Variants in KCNE4 observed in about 807,000 individuals in gnomAD.
KCNE4 encodes potassium voltage-gated channel subfamily E regulatory subunit 4.
In KCNE4, 6 loss-of-function variants were observed where a neutral mutation model predicts 9.2. That is an observed-to-expected ratio of 0.65 (90% CI 0.36 to 1.29). The LOEUF is 1.29. KCNE4 is among the 50% of genes most tolerant of loss of function. The pLI is 0.03. For missense variants in KCNE4, 222 were observed against 228.8 expected, an observed-to-expected ratio of 0.97 and a Z score of 0.19; for synonymous variants, 115 against 103.2, an observed-to-expected ratio of 1.11 and a Z score of -0.70.
At chr2:223,052,778 G>T (rs763859149) in intron 1 of KCNE4, 30 bp from the exon 2 acceptor site, 2 of 1,600,008 alleles carry the variant, frequency 1.2e-6, no homozygotes, top group Non-Finnish European at 1.7e-6. Flanking sequence ...GGACCTGGGG[G>T]AGAGTTCTAA....
At position 223,053,108 on chromosome 2, in the gene KCNE4, T is replaced by G; in HGVS notation, c.278T>G (p.Leu93Arg). ...AAGCCGCTGCCTGTGGTGTCGGGCC[T>G]GAGGTCGGTGCAGGTGCCCCTGATG... ...AMKPLPVVSG[L>R]RSVQVPLMLN... The change falls in exon 2 of 2, where the codon CTG becomes CGG. Residue 93 changes from leucine (L) to arginine (R), a missense_variant. Transcript: ENST00000281830. This position sits in a 1 kb window ranked among gnomAD's most constrained non-coding sequence, Gnocchi z 4.1. The G allele has an allele frequency of 6.2e-7, 1 of 1,613,782 alleles. No individual in the cohort carries two copies. The highest frequency in any genetic ancestry group is 8.5e-7 in the Non-Finnish European group (1 of 1,179,910).
At chr2:223,052,499 C>T (rs1156405987) in intron 1 of KCNE4, among the ~76,000 whole-genome samples, 1 of 131,450 alleles carries the variant, frequency 7.6e-6, no homozygotes, top group Non-Finnish European at 1.6e-5. Flanking sequence ...TTACTGTATG[C>T]TCCTGTCTTA....
chr2:223,054,838 T>C lies in KCNE4; in HGVS notation c.*1495T>C, dbSNP rs964576054. On this transcript the variant is annotated 3_prime_UTR_variant, in exon 2 of 2. Transcript: ENST00000281830. The stretch of plus-strand genomic sequence containing the variant: ...AATTTAAATCTATTTAAAAAAACTT[T>C]TAAAAAAATTATTTATTTATTATTA... 3 of 166,600 alleles carry C rather than the reference T, an allele frequency of 1.8e-5. No individual in the cohort carries two copies. The highest frequency in any genetic ancestry group is 4.4e-5 in the Non-Finnish European group (3 of 68,110). The allele number at this position is 166,600 out of a possible 1,614,324, so 10.3% of individuals were successfully genotyped here.
chr2:223,052,373 T>G (rs371528541), intron 1 of KCNE4, 99 bp downstream of exon 1: 8 of 916,764 alleles, frequency 8.7e-6, no homozygotes, highest in East Asian at 6.6e-5. Flanking sequence ...TTCTTCCTGC[T>G]TTTCTTTGTT....
chr2:223,052,883 G>T lies in KCNE4; in HGVS notation c.53G>T (p.Ser18Ile), dbSNP rs1052753127. The T allele has an allele frequency of 4.3e-6, 7 of 1,613,842 alleles. No individual in the cohort carries two copies. In the Admixed American group the frequency reaches 6.7e-5, roughly 15 times the overall value. The change falls in exon 2 of 2, where the codon AGC becomes ATC. Residue 18 changes from serine to isoleucine, a missense_variant. By Grantham distance (142) the Ser-to-Ile change is moderately radical (BLOSUM62 -2). Transcript: ENST00000281830. ...ACGCACCCCGGCACCGCCGCCTCCAGCAGCCCCCTGGAGTCCCGTGCGGCC... is the reference window on the plus strand; with the variant it reads ...ACGCACCCCGGCACCGCCGCCTCCATCAGCCCCCTGGAGTCCCGTGCGGCC... The part of the protein sequence containing the change: ...NSTHPGTAAS[S>I]SPLESRAAGG...
intron 1 of KCNE4, 110 bp from the exon 2 acceptor site, chr2:223,052,698 T>C: frequency 8.1e-7 from 1 of 1,235,880 alleles, no homozygotes; most frequent in Non-Finnish European, 1.1e-6. Context: ...GCTATTTCTT[T>C]CATGCACTTT....
rs7561445 is a variant in KCNE4 at position 223,054,755 on chromosome 2, G to A, written c.*1412G>A. 9.6e-5 allele frequency: 16 copies of A among 166,824 alleles called. No individual in the cohort carries two copies. Among genetic ancestry groups the A allele is most frequent in the African/African-American group, 3.9e-4 (16 of 41,516 alleles). The allele number at this position is 166,824 out of a possible 1,614,324, so 10.3% of individuals were successfully genotyped here. A position where few individuals can be genotyped will look rare whatever the true frequency, so the allele number is the denominator to read the frequency against. ...TTCCAATGTCTCCAAGTATTCCTGT[G>A]GTCAACAGTTTCGCAGATCCGTTAG... On this transcript the variant is annotated 3_prime_UTR_variant, in exon 2 of 2. Transcript: ENST00000281830.
chr2:223,053,556 A>C lies in KCNE4; in HGVS notation c.*213A>C. 3.3e-6 allele frequency: 2 copies of C among 610,424 alleles called. No individual in the cohort carries two copies. The highest frequency in any genetic ancestry group is 4.0e-5 in the South Asian group (2 of 50,532). The allele number at this position is 610,424 out of a possible 1,614,324, so 37.8% of individuals were successfully genotyped here. ...GAGGTGCCTGTGGTTTGCACCCACC[A>C]CTGAAAAAGCCGCGGAGATGCGCAG... On this transcript the variant is annotated 3_prime_UTR_variant, in exon 2 of 2. Coordinates refer to ENST00000281830, the MANE Select transcript of KCNE4 (RefSeq NM_080671.4). The surrounding 1 kb of genome is among the most constrained non-coding windows in gnomAD (Gnocchi z 4.1).
At position 223,053,582 on chromosome 2, in the gene KCNE4, C is replaced by T. The variant is rs1006932394; in HGVS notation, c.*239C>T. The T allele has an allele frequency of 1.8e-6, 1 of 566,596 alleles. No homozygotes were observed. The allele number at this position is 566,596 out of a possible 1,614,324, so 35.1% of individuals were successfully genotyped here. A position where few individuals can be genotyped will look rare whatever the true frequency, so the allele number is the denominator to read the frequency against. On this transcript the variant is annotated 3_prime_UTR_variant, in exon 2 of 2. Coordinates refer to ENST00000281830, the MANE Select transcript of KCNE4 (RefSeq NM_080671.4). This position sits in a 1 kb window ranked among gnomAD's most constrained non-coding sequence, Gnocchi z 4.1. ...CTGAAAAAGCCGCGGAGATGCGCAGCGCGTACACTGACTTTGGGGCCTGGG... is the reference window on the plus strand; with the variant it reads ...CTGAAAAAGCCGCGGAGATGCGCAGTGCGTACACTGACTTTGGGGCCTGGG...
chr2:223,053,470 CTGA>C lies in KCNE4; in HGVS notation c.*129_*131del. 2.9e-6 allele frequency: 3 copies of C among 1,021,772 alleles called. No homozygotes were observed. Among genetic ancestry groups the C allele is most frequent in the Non-Finnish European group, 4.5e-6 (3 of 669,970 alleles). The allele number at this position is 1,021,772 out of a possible 1,614,324, so 63.3% of individuals were successfully genotyped here. The stretch of plus-strand genomic sequence containing the variant: ...CTTTGAAGAGACCCTTGGTAAACCC[CTGA>C]TTCGGGGTGGGGTGGGGGACTAGGC... On this transcript the variant is annotated 3_prime_UTR_variant, in exon 2 of 2. Transcript: ENST00000281830. The surrounding 1 kb of genome is among the most constrained non-coding windows in gnomAD (Gnocchi z 4.1).
At position 223,053,594 on chromosome 2, in the gene KCNE4, C is replaced by G. The variant is rs1698727637; in HGVS notation, c.*251C>G. The G allele has an allele frequency of 5.5e-6, 3 of 543,024 alleles. No individual in the cohort carries two copies. In the Admixed American group the frequency reaches 9.4e-5, roughly 17 times the overall value. The allele number at this position is 543,024 out of a possible 1,614,324, so 33.6% of individuals were successfully genotyped here. A position where few individuals can be genotyped will look rare whatever the true frequency, so the allele number is the denominator to read the frequency against. ...CGGAGATGCGCAGCGCGTACACTGA[C>G]TTTGGGGCCTGGGTGTTGGGGTTCT... is the stretch of plus-strand genomic sequence containing the variant. On this transcript the variant is annotated 3_prime_UTR_variant, in exon 2 of 2. Coordinates refer to ENST00000281830, the MANE Select transcript of KCNE4 (RefSeq NM_080671.4). This position sits in a 1 kb window ranked among gnomAD's most constrained non-coding sequence, Gnocchi z 4.1.
At position 223,053,396 on chromosome 2, in the gene KCNE4, G is replaced by T. The variant is rs1204568278; in HGVS notation, c.*53G>T. On this transcript the variant is annotated 3_prime_UTR_variant, in exon 2 of 2. Coordinates refer to ENST00000281830, the MANE Select transcript of KCNE4 (RefSeq NM_080671.4). This position sits in a 1 kb window ranked among gnomAD's most constrained non-coding sequence, Gnocchi z 4.1. ...CATCAGCCAGCAACCTTAGAGAGAG[G>T]AAAGACAGTTTTCAAGTGTCTGGTT... 3 of 1,533,572 alleles carry T rather than the reference G, an allele frequency of 2.0e-6. No homozygotes were observed. The highest frequency in any genetic ancestry group is 2.7e-6 in the Non-Finnish European group (3 of 1,119,016). 95.0% of individuals were successfully genotyped at this position (1,533,572 alleles called of 1,614,324 possible).
Position 223,053,242 on chromosome 2 carries a change from A to G in KCNE4, c.412A>G (p.Ile138Val). The change falls in exon 2 of 2, where the codon ATT (isoleucine) becomes GTT (valine). Residue 138 changes from isoleucine (I) to valine (V), a missense_variant. Coordinates refer to ENST00000281830, the MANE Select transcript of KCNE4 (RefSeq NM_080671.4). This position sits in a 1 kb window ranked among gnomAD's most constrained non-coding sequence, Gnocchi z 4.1. ...CTCCTCCCCGGACGTGCACCTCACCATTCAGGAGGAGGGGGCAGACGATGA... is the reference window on the plus strand; with the variant it reads ...CTCCTCCCCGGACGTGCACCTCACCGTTCAGGAGGAGGGGGCAGACGATGA... Reference protein sequence around the residue: ...ESSSPDVHLTIQEEGADDELE... With the variant: ...ESSSPDVHLTVQEEGADDELE... 5 of 1,613,884 alleles carry G rather than the reference A, an allele frequency of 3.1e-6. No individual in the cohort carries two copies. Among genetic ancestry groups the G allele is most frequent in the Non-Finnish European group, 3.4e-6 (4 of 1,179,978 alleles).
chr2:223,052,928 G>C lies in KCNE4; in HGVS notation c.98G>C (p.Gly33Ala), dbSNP rs1368284661. ...GCGGCCGGCGGCGGCAGCGGCAATGGCAACGAGTACTTCTACATTCTGGTT... is the reference window on the plus strand; with the variant it reads ...GCGGCCGGCGGCGGCAGCGGCAATGCCAACGAGTACTTCTACATTCTGGTT... ...SRAAGGGSGNGNEYFYILVVM... is the reference protein window; with the variant it reads ...SRAAGGGSGNANEYFYILVVM... Residue 33 changes from glycine (G) to alanine (A), a missense_variant, in exon 2 of 2, where the codon GGC (glycine) becomes GCC (alanine). Gly to Ala is a moderately conservative substitution (Grantham distance 60, BLOSUM62 0). Transcript: ENST00000281830. 6.2e-7 allele frequency: 1 copy of C among 1,614,172 alleles called. No individual in the cohort carries two copies. The highest frequency in any genetic ancestry group is 8.5e-7 in the Non-Finnish European group (1 of 1,180,006).
Position 223,053,436 on chromosome 2 carries a change from C to A in KCNE4, c.*93C>A. The A allele has an allele frequency of 3.1e-6, 4 of 1,289,188 alleles. No homozygotes were observed. Among genetic ancestry groups the A allele is most frequent in the Non-Finnish European group, 4.4e-6 (4 of 908,426 alleles). The allele number at this position is 1,289,188 out of a possible 1,614,324, so 79.9% of individuals were successfully genotyped here. On this transcript the variant is annotated 3_prime_UTR_variant, in exon 2 of 2. Transcript: ENST00000281830. This position sits in a 1 kb window ranked among gnomAD's most constrained non-coding sequence, Gnocchi z 4.1. Reference sequence around the variant, plus strand: ...AGTGTCTGGTTTCACTTTCACAGTGCGGCTGCCACTTTGAAGAGACCCTTG... The same window carrying A: ...AGTGTCTGGTTTCACTTTCACAGTGAGGCTGCCACTTTGAAGAGACCCTTG...
rs1216361322 is a variant in KCNE4 at position 223,053,689 on chromosome 2, C to G, written c.*346C>G. 6 of 357,770 alleles carry G rather than the reference C, an allele frequency of 1.7e-5. No individual in the cohort carries two copies. The East Asian group carries it at 1.9e-4, about 11-fold the overall frequency. 22.2% of individuals were successfully genotyped at this position (357,770 alleles called of 1,614,324 possible). ...ATGCCCTGGGTAGCTCCTGCAGGGTCTGCCTGTTCCCAGGGCTGCCGAATG... is the reference window on the plus strand; with the variant it reads ...ATGCCCTGGGTAGCTCCTGCAGGGTGTGCCTGTTCCCAGGGCTGCCGAATG... On this transcript the variant is annotated 3_prime_UTR_variant, in exon 2 of 2. Coordinates refer to ENST00000281830, the MANE Select transcript of KCNE4 (RefSeq NM_080671.4). The surrounding 1 kb of genome is among the most constrained non-coding windows in gnomAD (Gnocchi z 4.1).
rs1698738036 is a variant in KCNE4, at chr2:223,054,399, C to T, written c.*1056C>T. The T allele has an allele frequency of 6.0e-6, 1 of 167,058 alleles. No homozygotes were observed. The highest frequency in any genetic ancestry group is 2.1e-4 in the South Asian group (1 of 4,822). 10.3% of individuals were successfully genotyped at this position (167,058 alleles called of 1,614,324 possible). A position where few individuals can be genotyped will look rare whatever the true frequency, so the allele number is the denominator to read the frequency against. On this transcript the variant is annotated 3_prime_UTR_variant, in exon 2 of 2. Coordinates refer to ENST00000281830, the MANE Select transcript of KCNE4 (RefSeq NM_080671.4). ...GCATGAGGCTCCCGACGATCTCCATCCCCAGGGGGTTGGGAGGATGTCTTT... is the reference window on the plus strand; with the variant it reads ...GCATGAGGCTCCCGACGATCTCCATTCCCAGGGGGTTGGGAGGATGTCTTT...
In KCNE4 at chr2:223,053,103, G is replaced by C. The variant is rs12720448; in HGVS notation, c.273G>C (p.Ser91=). The change falls in exon 2 of 2, where the codon TCG becomes TCC. Residue 91 remains serine, a synonymous_variant. Transcript: ENST00000281830. This position sits in a 1 kb window ranked among gnomAD's most constrained non-coding sequence, Gnocchi z 4.1. Reference sequence around the variant, plus strand: ...CCATGAAGCCGCTGCCTGTGGTGTCGGGCCTGAGGTCGGTGCAGGTGCCCC... The same window carrying C: ...CCATGAAGCCGCTGCCTGTGGTGTCCGGCCTGAGGTCGGTGCAGGTGCCCC... The part of the protein sequence containing the change: ...GEAMKPLPVV[S]GLRSVQVPLM... 1.9e-5 allele frequency: 31 copies of C among 1,613,788 alleles called. No individual in the cohort carries two copies. In the Admixed American group the frequency reaches 3.5e-4, roughly 18 times the overall value.
At position 223,052,905 on chromosome 2, in the gene KCNE4, G is replaced by C; in HGVS notation, c.75G>C (p.Ala25=). ...CCAGCAGCCCCCTGGAGTCCCGTGC[G>C]GCCGGCGGCGGCAGCGGCAATGGCA... The part of the protein sequence containing the change: ...AASSSPLESR[A]AGGGSGNGNE... Residue 25 remains alanine (A), a synonymous_variant, in exon 2 of 2, where the codon GCG becomes GCC. Transcript: ENST00000281830. 1 of 1,613,976 alleles carries C rather than the reference G, an allele frequency of 6.2e-7. No individual in the cohort carries two copies. Among genetic ancestry groups the C allele is most frequent in the Non-Finnish European group, 8.5e-7 (1 of 1,179,956 alleles).
Sources: gnomAD v4.1 joint callset for allele counts (sites outside exome capture counted in the v4.1 genomes callset) on GRCh38, gnomAD v4.1.1 for gene constraint, Gnocchi (gnomAD v3.1) non-coding constraint, MANE v1.5 for transcripts, NCBI Gene and HGNC (gene_info 2026-07-23, HGNC 2026-07-21) for gene names.